MRPL21: variants seen among roughly 807,000 people sequenced by gnomAD.
MRPL21 encodes mitochondrial ribosomal protein L21, also known as large ribosomal subunit protein bL21m.
Under a neutral mutation model 27.3 loss-of-function variants are expected in MRPL21, and 20 were observed. The observed-to-expected ratio is 0.73, with a 90% CI of 0.52 to 1.06. MRPL21 has a LOEUF of 1.06. Ranked by LOEUF, MRPL21 falls within the 50% of genes least tolerant of loss-of-function variation. The probability of loss-of-function intolerance (pLI) is 0.00; values close to 1 mark genes in which losing one functional copy is unlikely to be tolerated. For missense variants in MRPL21, 249 were observed against 251.4 expected, an observed-to-expected ratio of 0.99 and a Z score of 0.06; for synonymous variants, 98 against 101.5, an observed-to-expected ratio of 0.97 and a Z score of 0.21.
chr11:68,897,724 G>A (rs1566416458), intron 3 of MRPL21: 4 of 583,850 alleles, frequency 6.9e-6, no homozygotes, highest in Non-Finnish European at 1.2e-5. Context: ...CAGTGTGGCA[G>A]GTGTTCAAGG....
At chr11:68,903,230 TAG>T (rs141426410) in intron 1 of MRPL21, among the ~76,000 whole-genome samples, 168 of 152,288 alleles carry the variant, frequency 1.1e-3, no homozygotes, top group African/African-American at 3.9e-3. Flanking sequence ...CAGAGATTTA[TAG>T]AGTTTTTAAC....
intron 1 of MRPL21, among the ~76,000 whole-genome samples, chr11:68,903,514 G>T (rs922874584): frequency 6.6e-6 from 1 of 152,214 alleles, no homozygotes; most frequent in African/African-American, 2.4e-5. Flanking sequence ...CTATACCAAA[G>T]TTCAAGGGCT....
At chr11:68,896,124 C>T (rs1286850375) in intron 4 of MRPL21, among the ~76,000 whole-genome samples, 4 of 152,240 alleles carry the variant, frequency 2.6e-5, no homozygotes, top group African/African-American at 9.6e-5. Context: ...GTTTTTTCCT[C>T]ATAGACAGGG....
chr11:68,892,020 G>T, intron 6 of MRPL21: 3 of 1,024,218 alleles, frequency 2.9e-6, no homozygotes, highest in Non-Finnish European at 3.8e-6. Context: ...AGTGCTAGGC[G>T]TCATGGGTTG....
At position 68,903,715 on chromosome 11, in the gene MRPL21, G is replaced by A. The variant is rs1858040182; in HGVS notation, c.88+8C>T. On this transcript the variant is annotated splice_region_variant and intron_variant, in intron 1 of 6. Transcript: ENST00000362034. ...CGTCCTCCCTTCCTCCCATATCCCA[G>A]GTCTCACCTGCTCCGGGCCCCGAAG... 1 of 1,613,092 alleles carries A rather than the reference G, an allele frequency of 6.2e-7. No homozygotes were observed. Among genetic ancestry groups the A allele is most frequent in the Admixed American group, 1.7e-5 (1 of 60,018 alleles).
At chr11:68,898,256 G>C (rs1857851303) in intron 2 of MRPL21, among the ~76,000 whole-genome samples, 1 of 152,176 alleles carries the variant, frequency 6.6e-6, no homozygotes, top group Non-Finnish European at 1.5e-5. Context: ...TTCTGCAAAA[G>C]AGCCCTCACT....
chr11:68,891,633 G>A, intron 6 of MRPL21: 1 of 585,014 alleles, frequency 1.7e-6, no homozygotes, highest in Non-Finnish European at 3.1e-6. Context: ...GCCCTGCGCT[G>A]GCACCTCACC....
intron 4 of MRPL21, 170 bp downstream of exon 4, chr11:68,896,345 A>G (rs1594405081): frequency 5.0e-6 from 4 of 803,514 alleles, no homozygotes; most frequent in Non-Finnish European, 8.0e-6. Flanking sequence ...CTGCCCTTGG[A>G]CCCCAGCCCC....
intron 1 of MRPL21, among the ~76,000 whole-genome samples, 165 bp downstream of exon 1, chr11:68,903,558 C>T (rs2154006296): frequency 6.6e-6 from 1 of 152,362 alleles, no homozygotes; most frequent in African/African-American, 2.4e-5. Flanking sequence ...CTGAAGGAAT[C>T]AAAATCTGAA....
chr11:68,900,690 G>T, intron 1 of MRPL21, 85 bp from the exon 2 acceptor site: 1 of 1,204,294 alleles, frequency 8.3e-7, no homozygotes, highest in Non-Finnish European at 1.2e-6. Flanking sequence ...CACAGCTGCT[G>T]CTCCTGGTAC....
At chr11:68,896,921 A>T in intron 3 of MRPL21, 1 of 564,530 alleles carries the variant, frequency 1.8e-6, no homozygotes, top group Admixed American at 3.0e-5. Context: ...TCACAGAAGG[A>T]AGCTCCCCAA....
At position 68,897,977 on chromosome 11, in the gene MRPL21, C is replaced by T. The variant is rs745700362; in HGVS notation, c.182G>A (p.Trp61Ter). ...TGGGTCTGGCAGAACAACTTCTGGC[C>T]AAGGTGGTGAACTCAGGGATGTTTT... is the stretch of plus-strand genomic sequence containing the variant. ...VPKTSLSSPPWPEVVLPDPVE... is the reference protein window; with the variant it reads ...VPKTSLSSPP The change falls in exon 3 of 7, where the codon TGG becomes TAG. Residue 61 changes from tryptophan (W) to a stop codon, truncating the protein, a stop_gained. Transcript: ENST00000362034. LOFTEE classifies it high-confidence loss of function. The T allele has an allele frequency of 6.2e-7, 1 of 1,614,114 alleles. No individual in the cohort carries two copies. Among genetic ancestry groups the T allele is most frequent in the South Asian group, 1.1e-5 (1 of 91,080 alleles).
At chr11:68,898,568 C>T (rs1857858448) in intron 2 of MRPL21, among the ~76,000 whole-genome samples, 1 of 152,232 alleles carries the variant, frequency 6.6e-6, no homozygotes, top group Non-Finnish European at 1.5e-5. Context: ...TGGCTCGGAA[C>T]CCCAGACAAT....
Position 68,891,286 on chromosome 11 carries a change from A to G in MRPL21, c.*45T>C. On this transcript the variant is annotated 3_prime_UTR_variant, in exon 7 of 7. Coordinates refer to ENST00000362034, the MANE Select transcript of MRPL21 (RefSeq NM_181514.2). Reference sequence around the variant, plus strand: ...AACACAGAAACCTGGTCTCCTTGGGAAGCAGGAGTTTATTTTTATCCTTTT... The same window carrying G: ...AACACAGAAACCTGGTCTCCTTGGGGAGCAGGAGTTTATTTTTATCCTTTT... 1 of 1,583,540 alleles carries G rather than the reference A, an allele frequency of 6.3e-7. No homozygotes were observed. Among genetic ancestry groups the G allele is most frequent in the Non-Finnish European group, 8.7e-7 (1 of 1,152,412 alleles).
chr11:68,895,045 G>T (rs1857751383), intron 4 of MRPL21, among the ~76,000 whole-genome samples: 1 of 152,046 alleles, frequency 6.6e-6, no homozygotes, highest in Non-Finnish European at 1.5e-5. Context: ...CGGGCAGACT[G>T]CCTGAGGTTG....
chr11:68,898,736 C>T (rs948270832), intron 2 of MRPL21, among the ~76,000 whole-genome samples: 38 of 152,270 alleles, frequency 2.5e-4, no homozygotes, highest in African/African-American at 7.5e-4. Flanking sequence ...TATAGCACTG[C>T]GGTCCCCAGC....
At position 68,897,912 on chromosome 11, in the gene MRPL21, C is replaced by A. The variant is rs537891910; in HGVS notation, c.232+15G>T. ...GGTGGTGCCCTCTAGCTTCTGTCTC[C>A]CAGGGAGGTCTTACCTGCATGGTGT... On this transcript the variant is annotated intron_variant, in intron 3 of 6. Coordinates refer to ENST00000362034, the MANE Select transcript of MRPL21 (RefSeq NM_181514.2). The A allele has an allele frequency of 6.2e-7, 1 of 1,609,830 alleles. No individual in the cohort carries two copies. The highest frequency in any genetic ancestry group is 1.1e-5 in the South Asian group (1 of 90,968).
At chr11:68,891,508 T>G in intron 6 of MRPL21, 113 bp from the exon 7 acceptor site, 1 of 971,456 alleles carries the variant, frequency 1.0e-6, no homozygotes, top group Non-Finnish European at 1.7e-6. Context: ...CAACGTCCCC[T>G]GCTGCACATG....
At chr11:68,903,564 C>A (rs1021576047) in intron 1 of MRPL21, among the ~76,000 whole-genome samples, 159 bp downstream of exon 1, 1 of 152,228 alleles carries the variant, frequency 6.6e-6, no homozygotes, top group Non-Finnish European at 1.5e-5. Context: ...GAATCAAAAT[C>A]TGAACCTGGG....
Sources: allele counts gnomAD v4.1 joint callset (sites outside exome capture counted in the v4.1 genomes callset), GRCh38; gene constraint gnomAD v4.1.1; transcripts MANE v1.5; gene names NCBI Gene and HGNC (gene_info 2026-07-23, HGNC 2026-07-21).